Variants in CLYBL observed in about 807,000 individuals in gnomAD.
CLYBL encodes the protein citramalyl-CoA lyase, mitochondrial.
Under a neutral mutation model 38.9 loss-of-function variants are expected in CLYBL, and 31 were observed. The ratio of observed to expected loss-of-function variants is 0.80; its 90% CI spans 0.60 to 1.08. CLYBL has a LOEUF of 1.08. Among genes scored for constraint, CLYBL ranks in the 50% least tolerant of loss-of-function variants. The pLI is 0.00. For synonymous variants in CLYBL, 171 were observed against 158.6 expected (o/e 1.08, Z -0.59); for missense variants, 434 against 411.6 (o/e 1.05, Z -0.47).
chr13:99,750,012 C>T (rs1345236932), intron 1 of CLYBL, among the ~76,000 whole-genome samples: 1 of 152,154 alleles, frequency 6.6e-6, no homozygotes, highest in Admixed American at 6.5e-5. Context: ...TTTGCTGTCA[C>T]TTAAGAGAGT....
At chr13:99,645,109 C>T (rs1270480949) in intron 1 of CLYBL, among the ~76,000 whole-genome samples, 2 of 152,282 alleles carry the variant, frequency 1.3e-5, no homozygotes, top group Non-Finnish European at 1.5e-5. Context: ...TTCTCCATAG[C>T]GGTTGTACTA....
chr13:99,869,054 G>C lies in CLYBL; in HGVS notation c.803-1884G>C, dbSNP rs976949298. ...AACAACTCTTTTGTATAAAATATTT[G>C]CCTGGTTCCCACATGCCATTAAAGT... On this transcript the variant is annotated intron_variant, in intron 6 of 8. Transcript: ENST00000339105. This position sits in a 1 kb window ranked among gnomAD's most constrained non-coding sequence, Gnocchi z 4.3. Among the ~76,000 whole-genome samples, 3 of 152,098 alleles carry C rather than the reference G, an allele frequency of 2.0e-5. No individual in the cohort carries two copies. The highest frequency in any genetic ancestry group is 2.9e-5 in the Non-Finnish European group (2 of 68,002).
At chr13:99,891,672 A>C (rs1351259039) in intron 8 of CLYBL, 2 of 354,936 alleles carry the variant, frequency 5.6e-6, no homozygotes, top group African/African-American at 4.2e-5. Context: ...ATGATTTCAC[A>C]GGGAGGTAAG....
chr13:99,825,937 C>T (rs1424759141), intron 2 of CLYBL, among the ~76,000 whole-genome samples: 1 of 152,222 alleles, frequency 6.6e-6, no homozygotes, highest in Non-Finnish European at 1.5e-5. Context: ...TCTGCAGCCT[C>T]ACCCCACTGG....
chr13:99,607,539 A>G (rs2390302), intron 1 of CLYBL, among the ~76,000 whole-genome samples: 46,747 of 152,102 alleles, frequency 0.31, 8,535 homozygotes, highest in Non-Finnish European at 0.41. Context: ...CCGCTGGTCT[A>G]GCACTTGCCC....
chr13:99,695,265 T>C (rs1022501032), intron 1 of CLYBL, among the ~76,000 whole-genome samples: 3 of 152,154 alleles, frequency 2.0e-5, no homozygotes, highest in African/African-American at 7.2e-5. Flanking sequence ...GATTTCTCCA[T>C]ACCCCTTGCA....
At chr13:99,845,235 T>C (rs2051172901) in intron 2 of CLYBL, among the ~76,000 whole-genome samples, 1 of 152,204 alleles carries the variant, frequency 6.6e-6, no homozygotes, top group Non-Finnish European at 1.5e-5. Context: ...ACACAATCTG[T>C]TATGCTAAAT....
At chr13:99,751,704 GT>G (rs1274679480) in intron 1 of CLYBL, among the ~76,000 whole-genome samples, 1 of 152,196 alleles carries the variant, frequency 6.6e-6, no homozygotes, top group Non-Finnish European at 1.5e-5. Context: ...CAGAGATTGA[GT>G]TTTGCAAGAT....
chr13:99,670,154 G>A (rs766783065), intron 1 of CLYBL, among the ~76,000 whole-genome samples: 2 of 151,998 alleles, frequency 1.3e-5, no homozygotes, highest in African/African-American at 4.8e-5. Context: ...AGCTAAGATC[G>A]TGCCACTGCA....
chr13:99,660,509 C>T (rs2047393794), intron 1 of CLYBL, among the ~76,000 whole-genome samples: 1 of 152,070 alleles, frequency 6.6e-6, no homozygotes, highest in African/African-American at 2.4e-5. Context: ...TTTAGAGTTG[C>T]CCCTGCATCT....
chr13:99,673,436 G>A (rs978527039), intron 1 of CLYBL, among the ~76,000 whole-genome samples: 1 of 151,666 alleles, frequency 6.6e-6, no homozygotes, highest in South Asian at 2.1e-4. Flanking sequence ...GAAATGGTGC[G>A]ACAGGGGCAA....
At chr13:99,903,337 C>G (rs536379336) in intron 8 of CLYBL, among the ~76,000 whole-genome samples, 2 of 152,276 alleles carry the variant, frequency 1.3e-5, no homozygotes, top group African/African-American at 4.8e-5. Context: ...TACTCCTCCC[C>G]CATCCCAGCA....
At chr13:99,837,183 C>A (rs1248108545) in intron 2 of CLYBL, among the ~76,000 whole-genome samples, 1 of 152,100 alleles carries the variant, frequency 6.6e-6, no homozygotes, top group Non-Finnish European at 1.5e-5. Context: ...TGTGGTGGCT[C>A]ACATCTGTAA....
intron 2 of CLYBL, among the ~76,000 whole-genome samples, chr13:99,796,126 G>A (rs1012837032): frequency 3.3e-5 from 5 of 152,194 alleles, no homozygotes; most frequent in Admixed American, 3.3e-4. Flanking sequence ...AGAGGATTAG[G>A]AAGAACAGAC....
chr13:99,631,363 G>A (rs2046941978), intron 1 of CLYBL, among the ~76,000 whole-genome samples: 1 of 150,058 alleles, frequency 6.7e-6, no homozygotes, highest in African/African-American at 2.5e-5. Flanking sequence ...GTGTGTGTGT[G>A]TATGTATACA....
chr13:99,801,854 TA>T (rs1158837356), intron 2 of CLYBL, among the ~76,000 whole-genome samples: 1 of 151,878 alleles, frequency 6.6e-6, no homozygotes, highest in Non-Finnish European at 1.5e-5. Flanking sequence ...CCTTCTCTAC[TA>T]AAAATACAAA....
chr13:99,743,805 T>A (rs1294197851), intron 1 of CLYBL, among the ~76,000 whole-genome samples: 1 of 152,220 alleles, frequency 6.6e-6, no homozygotes, highest in East Asian at 1.9e-4. Flanking sequence ...TAAATTGTAA[T>A]AAATTGTAAT....
At chr13:99,872,044 C>A (rs547415540) in intron 7 of CLYBL, among the ~76,000 whole-genome samples, 1 of 151,810 alleles carries the variant, frequency 6.6e-6, no homozygotes, top group East Asian at 1.9e-4. Context: ...GACCCTGAAC[C>A]TGTGACATCC....
rs140542644 is a variant in CLYBL, at chr13:99,712,219, A to C, written c.63-60605A>C. On this transcript the variant is annotated intron_variant, in intron 1 of 8. Transcript: ENST00000339105. ...TTGTCGTATTATACCCCTGATACAC[A>C]CTTCAGTGTTTATACTGTGCCAAGG... is the stretch of plus-strand genomic sequence containing the variant. 3.6e-3 allele frequency among the ~76,000 whole-genome samples: 546 copies of C among 151,976 alleles called. 5 individuals carry two copies. The highest frequency in any genetic ancestry group is 0.013 in the African/African-American group (519 of 41,422).
Sources: allele counts gnomAD v4.1 joint callset (sites outside exome capture counted in the v4.1 genomes callset), GRCh38; gene constraint gnomAD v4.1.1; non-coding constraint Gnocchi (gnomAD v3.1); transcripts MANE v1.5; gene names NCBI Gene and HGNC (gene_info 2026-07-23, HGNC 2026-07-21).